Variants in PTPRO observed in about 807,000 individuals in gnomAD.
PTPRO encodes protein tyrosine phosphatase receptor type O, also known as receptor-type tyrosine-protein phosphatase O.
A neutral mutation model predicts 145.2 loss-of-function variants in PTPRO; 62 were observed. That is an observed-to-expected ratio of 0.43 (90% CI 0.35 to 0.53). The LOEUF (loss-of-function observed/expected upper bound fraction) is 0.53. PTPRO is among the 20% of genes least tolerant of loss of function. The probability of loss-of-function intolerance (pLI) is 0.01; values close to 1 mark genes in which losing one functional copy is unlikely to be tolerated. For missense variants in PTPRO, 1,345 were observed against 1,482.7 expected (o/e 0.91, Z 1.53); for synonymous variants, 565 against 514.7 (o/e 1.10, Z -1.32).
At chr12:15,587,220 C>A in intron 24 of PTPRO, 169 bp downstream of exon 24, 1 of 763,138 alleles carries the variant, frequency 1.3e-6, no homozygotes, top group Non-Finnish European at 2.1e-6. Context: ...TTTATTCTGG[C>A]TTTCCTGTAT....
intron 12 of PTPRO, 173 bp from the exon 13 acceptor site, chr12:15,546,396 C>T: frequency 4.9e-6 from 7 of 1,435,754 alleles, no homozygotes; most frequent in Non-Finnish European, 6.4e-6. Context: ...TTCTGCCTTC[C>T]AAGTTAGATA....
intron 1 of PTPRO, among the ~76,000 whole-genome samples, chr12:15,345,558 TGAG>T (rs1867174244): frequency 6.6e-6 from 1 of 151,600 alleles, no homozygotes; most frequent in African/African-American, 2.4e-5. Context: ...AGTGGAACAA[TGAG>T]AACATATGGA....
intron 1 of PTPRO, among the ~76,000 whole-genome samples, chr12:15,345,791 C>T (rs117982226): frequency 0.014 from 2,148 of 152,234 alleles, 28 homozygotes; most frequent in South Asian, 0.031. Flanking sequence ...CTTAAGACCA[C>T]TCATTCTTCC....
chr12:15,416,612 C>T (rs1033860186), intron 1 of PTPRO, among the ~76,000 whole-genome samples: 1 of 151,608 alleles, frequency 6.6e-6, no homozygotes, highest in African/African-American at 2.4e-5. Context: ...AGCCACCGCG[C>T]CCAGCCGGTT....
chr12:15,550,776 T>C (rs1001645887), intron 14 of PTPRO, among the ~76,000 whole-genome samples: 4 of 152,176 alleles, frequency 2.6e-5, no homozygotes, highest in Non-Finnish European at 2.9e-5. Flanking sequence ...ATGCAAAAGA[T>C]GGTATGAGTC....
At chr12:15,411,800 C>T (rs963350260) in intron 1 of PTPRO, among the ~76,000 whole-genome samples, 46 of 152,316 alleles carry the variant, frequency 3.0e-4, no homozygotes, top group African/African-American at 1.0e-3. Context: ...TTAATCCTCA[C>T]ATTGGTTATT....
At chr12:15,387,532 G>A (rs2136282228) in intron 1 of PTPRO, among the ~76,000 whole-genome samples, 1 of 152,212 alleles carries the variant, frequency 6.6e-6, no homozygotes, top group Non-Finnish European at 1.5e-5. Context: ...CAACCCCTCA[G>A]TGAAGTCCTC....
At chr12:15,408,104 C>T (rs1939696938) in intron 1 of PTPRO, among the ~76,000 whole-genome samples, 1 of 152,034 alleles carries the variant, frequency 6.6e-6, no homozygotes, top group African/African-American at 2.4e-5. Flanking sequence ...TTTATATCTA[C>T]TATATGAATC....
chr12:15,553,148 C>G (rs1943516894), intron 15 of PTPRO, among the ~76,000 whole-genome samples: 1 of 151,982 alleles, frequency 6.6e-6, no homozygotes, highest in Admixed American at 6.6e-5. Flanking sequence ...TTGTGTAGGT[C>G]ACTGAAACTT....
In PTPRO at chr12:15,484,030, A is replaced by G. The variant is rs767098628; in HGVS notation, c.132A>G (p.Leu44=). The stretch of plus-strand genomic sequence containing the variant: ...ATGATAATAACATCGTTGTCTCATT[A>G]GAAGCTTCAGACGTCATCAGTCCAG... ...VQDDNNIVVS[L]EASDVISPAS... The change falls in exon 2 of 27, where the codon TTA becomes TTG. Residue 44 remains leucine (L), a synonymous_variant. Transcript: ENST00000281171. The G allele has an allele frequency of 3.1e-6, 5 of 1,613,576 alleles. No homozygotes were observed. In the African/African-American group the frequency reaches 5.3e-5, roughly 17 times the overall value.
intron 13 of PTPRO, among the ~76,000 whole-genome samples, chr12:15,547,310 C>G (rs1455310334): frequency 6.6e-6 from 1 of 152,052 alleles, no homozygotes. Context: ...GAGTTATTCA[C>G]CAGGTCAGAA....
chr12:15,399,265 T>G (rs1939424934), intron 1 of PTPRO, among the ~76,000 whole-genome samples: 1 of 152,274 alleles, frequency 6.6e-6, no homozygotes, highest in South Asian at 2.1e-4. Context: ...GGCACTATTC[T>G]GAGCTTTTTA....
intron 1 of PTPRO, among the ~76,000 whole-genome samples, chr12:15,404,301 A>G (rs1939589177): frequency 6.6e-6 from 1 of 151,964 alleles, no homozygotes; most frequent in Admixed American, 6.6e-5. Context: ...TATATTTCTT[A>G]AAGTCTTTGC....
Position 15,484,258 on chromosome 12 carries a change from T to C in PTPRO, c.349+11T>C. 1.9e-6 allele frequency: 3 copies of C among 1,612,926 alleles called. No individual in the cohort carries two copies. The highest frequency in any genetic ancestry group is 2.5e-6 in the Non-Finnish European group (3 of 1,179,328). On this transcript the variant is annotated intron_variant, in intron 2 of 26. Coordinates refer to ENST00000281171, the MANE Select transcript of PTPRO (RefSeq NM_030667.3). ...TCACTGTGTTAACAAGTAAGCATCA[T>C]GTGTAATATTGTCCCGTTTCTTCTT...
intron 1 of PTPRO, among the ~76,000 whole-genome samples, chr12:15,457,136 C>T (rs1466088867): frequency 6.6e-6 from 1 of 152,186 alleles, no homozygotes; most frequent in Non-Finnish European, 1.5e-5. Flanking sequence ...GTTCTTCAGC[C>T]TTCGGACTCT....
At chr12:15,416,851 T>C (rs904157805) in intron 1 of PTPRO, among the ~76,000 whole-genome samples, 3 of 151,544 alleles carry the variant, frequency 2.0e-5, no homozygotes, top group Admixed American at 6.6e-5. Context: ...CTTATGAATA[T>C]GCCTTTGTGT....
chr12:15,555,987 A>T (rs1157994498), intron 15 of PTPRO, among the ~76,000 whole-genome samples: 1 of 152,214 alleles, frequency 6.6e-6, no homozygotes, highest in Admixed American at 6.5e-5. Context: ...TTATTAAAAA[A>T]TATGTAATCT....
chr12:15,340,678 G>A (rs895881592), intron 1 of PTPRO, among the ~76,000 whole-genome samples: 13 of 152,166 alleles, frequency 8.5e-5, no homozygotes, highest in African/African-American at 3.1e-4. Context: ...GAGAACTGGT[G>A]TTTTAAATTC....
rs1347581145 is a variant in PTPRO, at chr12:15,515,721, C to T, written c.1585+103C>T. Reference sequence around the variant, plus strand: ...ATCATTATCATCGTATTTGGAAGGTCCATATTAGTTCATCCAATATGCTAC... The same window carrying T: ...ATCATTATCATCGTATTTGGAAGGTTCATATTAGTTCATCCAATATGCTAC... On this transcript the variant is annotated intron_variant, in intron 8 of 26. Coordinates refer to ENST00000281171, the MANE Select transcript of PTPRO (RefSeq NM_030667.3). The T allele has an allele frequency of 1.0e-5, 15 of 1,474,192 alleles. No homozygotes were observed. In the Admixed American group the frequency reaches 1.8e-4, roughly 18 times the overall value. The allele number at this position is 1,474,192 out of a possible 1,614,324, so 91.3% of individuals were successfully genotyped here. A position where few individuals can be genotyped will look rare whatever the true frequency, so the allele number is the denominator to read the frequency against.
Sources: allele counts gnomAD v4.1 joint callset (sites outside exome capture counted in the v4.1 genomes callset), GRCh38; gene constraint gnomAD v4.1.1; transcripts MANE v1.5; gene names NCBI Gene and HGNC (gene_info 2026-07-23, HGNC 2026-07-21).